Variants in IL34 observed in about 807,000 individuals in gnomAD.
IL34 encodes interleukin-34.
IL34 carries 17 observed loss-of-function variants against 25.3 expected under a neutral mutation model. The ratio of observed to expected loss-of-function variants is 0.67; its 90% confidence interval spans 0.46 to 1.01. IL34 has a LOEUF of 1.01. IL34 is among the 50% of genes least tolerant of loss of function. The pLI, the probability that IL34 is intolerant of heterozygous loss-of-function variation, is 0.00. For missense variants in IL34, 368 were observed against 312.9 expected (o/e 1.18, Z -1.33); for synonymous variants, 174 against 140.9 (o/e 1.23, Z -1.66).
chr16:70,602,445 A>T (rs1022802260), intron 1 of IL34, among the ~76,000 whole-genome samples: 7 of 152,190 alleles, frequency 4.6e-5, no homozygotes, highest in African/African-American at 1.7e-4. Flanking sequence ...AGGTGGAAAG[A>T]TCACTTGAGC....
chr16:70,623,286 A>G (rs2151839996), intron 1 of IL34, among the ~76,000 whole-genome samples: 1 of 152,178 alleles, frequency 6.6e-6, no homozygotes, highest in African/African-American at 2.4e-5. Flanking sequence ...TGAGATCCAG[A>G]ACATAATAAT....
At chr16:70,597,718 T>C (rs573241151) in intron 1 of IL34, among the ~76,000 whole-genome samples, 1 of 152,304 alleles carries the variant, frequency 6.6e-6, no homozygotes, top group East Asian at 1.9e-4. Context: ...AAGCAGTGTG[T>C]TTTTTAGCCC....
intron 1 of IL34, among the ~76,000 whole-genome samples, chr16:70,618,920 T>G (rs1013127183): frequency 2.6e-5 from 4 of 152,166 alleles, no homozygotes; most frequent in East Asian, 1.9e-4. Flanking sequence ...AGGCTGGGAT[T>G]AACGGTGCAA....
chr16:70,640,640 A>AG (rs1040809821), intron 1 of IL34, among the ~76,000 whole-genome samples: 2 of 151,634 alleles, frequency 1.3e-5, no homozygotes, highest in African/African-American at 4.9e-5. Flanking sequence ...AAAAAAAAAA[A>AG]AAGTTAGTTT....
intron 1 of IL34, among the ~76,000 whole-genome samples, chr16:70,647,526 C>CT (rs2051970066): frequency 1.3e-5 from 2 of 152,240 alleles, no homozygotes; most frequent in South Asian, 4.1e-4. Flanking sequence ...AAAAAAGGAT[C>CT]TGGAAGCCTC....
chr16:70,608,124 TTC>T (rs58828806), intron 1 of IL34, among the ~76,000 whole-genome samples: 47,872 of 120,796 alleles, frequency 0.4, 8,312 homozygotes, highest in South Asian at 0.58. Flanking sequence ...ATTTTCTTTT[TTC>T]TTTTTTTTTT....
chr16:70,605,440 T>C (rs1247160737), intron 1 of IL34, among the ~76,000 whole-genome samples: 3 of 152,214 alleles, frequency 2.0e-5, no homozygotes, highest in East Asian at 1.9e-4. Context: ...CTGTGTTGTG[T>C]AATCATCATC....
chr16:70,650,364 C>G (rs1358772386), intron 1 of IL34, among the ~76,000 whole-genome samples: 1 of 152,196 alleles, frequency 6.6e-6, no homozygotes, highest in Non-Finnish European at 1.5e-5. Flanking sequence ...GGGGGAGAGG[C>G]AGATCATCTG....
At chr16:70,585,842 T>C (rs2050688216) in intron 1 of IL34, among the ~76,000 whole-genome samples, 1 of 150,366 alleles carries the variant, frequency 6.7e-6, no homozygotes, top group African/African-American at 2.4e-5. Flanking sequence ...TCCTTGTTTT[T>C]TTTTTTTTTG....
At chr16:70,620,915 C>T (rs571874723) in intron 1 of IL34, among the ~76,000 whole-genome samples, 1 of 152,040 alleles carries the variant, frequency 6.6e-6, no homozygotes, top group African/African-American at 2.4e-5. Flanking sequence ...AATGTGGAAT[C>T]TTACGTATAG....
intron 1 of IL34, among the ~76,000 whole-genome samples, chr16:70,618,114 T>C (rs1030209409): frequency 1.3e-5 from 2 of 152,110 alleles, no homozygotes; most frequent in African/African-American, 2.4e-5. Context: ...TCCTTGAGGA[T>C]AGATTTCCAC....
At chr16:70,594,977 C>G (rs1567437678) in intron 1 of IL34, among the ~76,000 whole-genome samples, 2 of 145,742 alleles carry the variant, frequency 1.4e-5, no homozygotes, top group South Asian at 2.2e-4. Flanking sequence ...TTTTCTGAGA[C>G]AGAGTCTCCC....
chr16:70,646,796 C>G lies in IL34; in HGVS notation c.-152C>G, dbSNP rs1042862762. ...CTGCTGCCCTTGGGGCACCTGCTCA[C>G]TCCCGCAGCCCAGCCACTCCTCCAG... On this transcript the variant is annotated 5_prime_UTR_variant, in exon 1 of 6. Coordinates refer to ENST00000288098, the MANE Select transcript of IL34 (RefSeq NM_001393494.1). 5.9e-6 allele frequency: 4 copies of G among 676,420 alleles called. No homozygotes were observed. The highest frequency in any genetic ancestry group is 3.9e-5 in the African/African-American group (2 of 51,906). The allele number at this position is 676,420 out of a possible 1,614,324, so 41.9% of individuals were successfully genotyped here.
At chr16:70,650,614 TGA>T (rs2052055183) in intron 1 of IL34, among the ~76,000 whole-genome samples, 1 of 152,176 alleles carries the variant, frequency 6.6e-6, no homozygotes, top group Admixed American at 6.5e-5. Flanking sequence ...AAAGAAAAGC[TGA>T]AATTTTGAAT....
rs552714232 is a variant in IL34 at position 70,653,558 on chromosome 16, C to T, written c.29-980C>T. ...TACAAAAAATACAAAAATTAGCAGG[C>T]GTAGTAGCATGCAACTGTAGTCCTA... On this transcript the variant is annotated intron_variant, in intron 1 of 5. Transcript: ENST00000288098. Among the ~76,000 whole-genome samples, 65 of 151,922 alleles carry T rather than the reference C, an allele frequency of 4.3e-4. No individual in the cohort carries two copies. In the South Asian group the frequency reaches 0.012, roughly 28 times the overall value.
At chr16:70,658,953 G>T (rs1195355656) in intron 4 of IL34, among the ~76,000 whole-genome samples, 1 of 152,158 alleles carries the variant, frequency 6.6e-6, no homozygotes, top group African/African-American at 2.4e-5. Context: ...GGTACCAAGG[G>T]GTAGGACCAA....
chr16:70,607,761 TA>T lies in IL34; in HGVS notation c.-401+27714del, dbSNP rs570349079. Reference sequence around the variant, plus strand: ...ACCATGTGGTTTTTCTTTTTTTTTTTAATTTTAATTTTTAATTTTTTGAGAC... The same window carrying T: ...ACCATGTGGTTTTTCTTTTTTTTTTTATTTTAATTTTTAATTTTTTGAGAC... On this transcript the variant is annotated intron_variant, in intron 1 of 6. Coordinates refer to the IL34 transcript ENST00000429149. Among the ~76,000 whole-genome samples, 197 of 152,142 alleles carry T rather than the reference TA, an allele frequency of 1.3e-3. 5 individuals are homozygous for T. Among genetic ancestry groups the T allele is most frequent in the African/African-American group, 4.3e-3 (179 of 41,526 alleles).
chr16:70,592,164 C>A (rs1423749335), intron 1 of IL34, among the ~76,000 whole-genome samples: 1 of 150,654 alleles, frequency 6.6e-6, no homozygotes, highest in Admixed American at 6.6e-5. Context: ...TTCCCAGGCC[C>A]CACTAAAGCC....
chr16:70,628,862 A>G (rs2051456099), intron 1 of IL34, among the ~76,000 whole-genome samples: 1 of 146,348 alleles, frequency 6.8e-6, no homozygotes, highest in South Asian at 2.2e-4. Flanking sequence ...ATCACAGCTC[A>G]CTATAGCTTC....
Sources: allele counts gnomAD v4.1 joint callset (sites outside exome capture counted in the v4.1 genomes callset), GRCh38; gene constraint gnomAD v4.1.1; transcripts MANE v1.5; gene names NCBI Gene and HGNC (gene_info 2026-07-23, HGNC 2026-07-21).